Variants in IL36B observed in about 807,000 individuals in gnomAD.
The protein encoded by IL36B is interleukin-36 beta.
Under a neutral mutation model 19.3 loss-of-function variants are expected in IL36B, and 23 were observed. The ratio of observed to expected loss-of-function variants is 1.19; its 90% confidence interval spans 0.86 to 1.69. IL36B has a LOEUF of 1.69. IL36B is among the 40% of genes most tolerant of loss of function. The pLI is 0.00. For missense variants in IL36B, 217 were observed against 200.5 expected (o/e 1.08, Z -0.50); for synonymous variants, 59 against 59.7 (o/e 0.99, Z 0.05).
At chr2:113,027,897 C>T (rs767532510) in intron 4 of IL36B, 1 of 1,613,932 alleles carries the variant, frequency 6.2e-7, no homozygotes. Flanking sequence ...ACAGCCTAGG[C>T]TGGATTTATT....
chr2:113,029,743 C>G (rs935060231), intron 3 of IL36B, among the ~76,000 whole-genome samples: 1 of 152,064 alleles, frequency 6.6e-6, no homozygotes, highest in African/African-American at 2.4e-5. Flanking sequence ...GAAGTGTAAA[C>G]GGCAGAGTGA....
intron 1 of IL36B, among the ~76,000 whole-genome samples, chr2:113,040,242 A>C (rs556428559): frequency 6.6e-6 from 1 of 152,336 alleles, no homozygotes; most frequent in South Asian, 2.1e-4. Context: ...GCAAACTAGG[A>C]ATAGAAGAAA....
chr2:113,031,281 A>C, intron 2 of IL36B, 126 bp from the exon 3 acceptor site: 5 of 684,924 alleles, frequency 7.3e-6, no homozygotes, highest in Non-Finnish European at 1.3e-5. Flanking sequence ...AGTAGTGGCT[A>C]TAACGATAAA....
chr2:113,048,657 T>C (rs1685389271), intron 1 of IL36B, among the ~76,000 whole-genome samples: 1 of 151,988 alleles, frequency 6.6e-6, no homozygotes, highest in East Asian at 1.9e-4. Flanking sequence ...ATCAATAGAA[T>C]TGATTGCAGA....
chr2:113,044,275 TG>T (rs1685310347), intron 1 of IL36B, among the ~76,000 whole-genome samples: 1 of 103,402 alleles, frequency 9.7e-6, no homozygotes, highest in African/African-American at 7.4e-5. Context: ...TGTGTGTGTG[TG>T]TGTGTGTGTG....
Position 113,031,171 on chromosome 2 carries a change from A to G in IL36B, c.14-16T>C, listed in dbSNP as rs1685068085. Reference sequence around the variant, plus strand: ...GCTGCCTCCCCTGCCAGATGACAAAAATGCACAAAATACACGTGAGGTTAT... The same window carrying G: ...GCTGCCTCCCCTGCCAGATGACAAAGATGCACAAAATACACGTGAGGTTAT... On this transcript the variant is annotated splice_polypyrimidine_tract_variant and intron_variant, in intron 2 of 5. Transcript: ENST00000259213. 6.4e-7 allele frequency: 1 copy of G among 1,554,340 alleles called. No homozygotes were observed. The highest frequency in any genetic ancestry group is 1.4e-5 in the African/African-American group (1 of 73,766).
At chr2:113,051,411 G>T (rs1471600995) in intron 1 of IL36B, among the ~76,000 whole-genome samples, 1 of 150,988 alleles carries the variant, frequency 6.6e-6, no homozygotes, top group East Asian at 1.9e-4. Context: ...ACACACACCG[G>T]AGCCTCACCT....
At chr2:113,033,075 T>C (rs1016445069) in intron 1 of IL36B, among the ~76,000 whole-genome samples, 17 of 152,318 alleles carry the variant, frequency 1.1e-4, no homozygotes, top group African/African-American at 4.1e-4. Flanking sequence ...CATTGCTGTG[T>C]TTGCATCTGA....
chr2:113,043,368 A>G (rs1685294050), intron 1 of IL36B, among the ~76,000 whole-genome samples: 1 of 152,230 alleles, frequency 6.6e-6, no homozygotes, highest in Admixed American at 6.5e-5. Context: ...ATAGAATGAA[A>G]AAGGTTTCTT....
chr2:113,042,983 A>G (rs572920494), intron 1 of IL36B, among the ~76,000 whole-genome samples: 3 of 152,204 alleles, frequency 2.0e-5, no homozygotes, highest in Non-Finnish European at 4.4e-5. Context: ...GGTAAGCAAT[A>G]CTAATAGCTC....
chr2:113,051,146 G>A (rs528926222), intron 1 of IL36B, among the ~76,000 whole-genome samples: 8 of 152,260 alleles, frequency 5.3e-5, no homozygotes, highest in Non-Finnish European at 8.8e-5. Flanking sequence ...CACTGAGAGC[G>A]GCAGGCCCCG....
chr2:113,028,456 C>T (rs932965019), intron 4 of IL36B, among the ~76,000 whole-genome samples: 1 of 152,194 alleles, frequency 6.6e-6, no homozygotes, highest in African/African-American at 2.4e-5. Flanking sequence ...TCTCAACCTC[C>T]AAGTGGGCTT....
chr2:113,030,226 C>T (rs533248771), intron 3 of IL36B, among the ~76,000 whole-genome samples: 4 of 149,652 alleles, frequency 2.7e-5, no homozygotes, highest in East Asian at 2.0e-4. Flanking sequence ...AGTGAGACTC[C>T]GTTTAAAAAA....
chr2:113,022,400 T>TTAAATTTTAAA lies in IL36B; in HGVS notation c.*273_*274insTTTAAAATTTA, dbSNP rs1684877444. ...ATCTTCCCATTTTTCATGAAAACCT[T>TTAAATTTTAAA]GACTTTACAATTTTTTAAAAAACAC... is the stretch of plus-strand genomic sequence containing the variant. On this transcript the variant is annotated 3_prime_UTR_variant, in exon 6 of 6. Coordinates refer to ENST00000259213, the MANE Select transcript of IL36B (RefSeq NM_014438.5). 1 of 232,490 alleles carries TTAAATTTTAAA rather than the reference T, an allele frequency of 4.3e-6. No homozygotes were observed. The highest frequency in any genetic ancestry group is 2.3e-5 in the African/African-American group (1 of 43,464). 14.4% of individuals were successfully genotyped at this position (232,490 alleles called of 1,614,324 possible).
chr2:113,031,555 C>A, intron 2 of IL36B, 142 bp downstream of exon 2: 1 of 684,668 alleles, frequency 1.5e-6, no homozygotes. Context: ...CCGAGATTTT[C>A]AAAGGCCGTT....
At chr2:113,028,798 C>A (rs1452698957) in intron 4 of IL36B, 141 bp downstream of exon 4, 14 of 756,428 alleles carry the variant, frequency 1.9e-5, no homozygotes, top group Admixed American at 6.5e-5. Flanking sequence ...TTTATAGATT[C>A]AGGGATCAGC....
intron 1 of IL36B, among the ~76,000 whole-genome samples, chr2:113,039,303 A>G (rs1461227379): frequency 6.6e-6 from 1 of 152,202 alleles, no homozygotes; most frequent in African/African-American, 2.4e-5. Flanking sequence ...AAACTCAGGG[A>G]ACACCCAAAG....
In IL36B at chr2:113,022,336, G is replaced by T. The variant is rs1684876211; in HGVS notation, c.*338C>A. On this transcript the variant is annotated 3_prime_UTR_variant, in exon 6 of 6. Coordinates refer to ENST00000259213, the MANE Select transcript of IL36B (RefSeq NM_014438.5). ...AGAAATAACAGATTGAGCTCTAGTA[G>T]CTTGCTGCTCTGTGGGAATTCAGGA... 5.5e-6 allele frequency: 1 copy of T among 180,922 alleles called. No homozygotes were observed. The highest frequency in any genetic ancestry group is 1.2e-5 in the Non-Finnish European group (1 of 86,616). The allele number at this position is 180,922 out of a possible 1,614,324, so 11.2% of individuals were successfully genotyped here.
intron 1 of IL36B, among the ~76,000 whole-genome samples, chr2:113,048,831 T>C (rs1357735608): frequency 6.6e-6 from 1 of 152,174 alleles, no homozygotes; most frequent in Non-Finnish European, 1.5e-5. Context: ...TTTATGCCCA[T>C]AAATTTAACA....
Sources: allele counts gnomAD v4.1 joint callset (sites outside exome capture counted in the v4.1 genomes callset), GRCh38; gene constraint gnomAD v4.1.1; transcripts MANE v1.5; gene names NCBI Gene and HGNC (gene_info 2026-07-23, HGNC 2026-07-21).